C6orf89: variants seen among roughly 807,000 people sequenced by gnomAD.
C6orf89 encodes chromosome 6 open reading frame 89, also known as bombesin receptor-activated protein C6orf89.
A neutral mutation model predicts 40.7 loss-of-function variants in C6orf89; 29 were observed. That is an observed-to-expected ratio of 0.71 (90% CI 0.53 to 0.97). C6orf89 has a LOEUF of 0.97. Ranked by LOEUF, C6orf89 falls within the 50% of genes least tolerant of loss-of-function variation. The pLI is 0.00. For missense variants in C6orf89, 392 were observed against 429.1 expected, an observed-to-expected ratio of 0.91 and a Z score of 0.76; for synonymous variants, 165 against 152.2, an observed-to-expected ratio of 1.08 and a Z score of -0.62.
At chr6:36,881,268 G>A (rs532110822), upstream of C6orf89, among the ~76,000 whole-genome samples, 3 of 152,292 alleles carry the variant, frequency 2.0e-5, no homozygotes, top group East Asian at 5.8e-4. Flanking sequence ...TTTTGTAAGA[G>A]ATTATAAGAA....
At chr6:36,886,997 C>T (rs1322437378) in intron 1 of C6orf89, among the ~76,000 whole-genome samples, 1 of 151,810 alleles carries the variant, frequency 6.6e-6, no homozygotes, top group African/African-American at 2.4e-5. Flanking sequence ...TTTTTCAAGA[C>T]CTGCTTTGAA....
In C6orf89 at chr6:36,916,535, G is replaced by T; in HGVS notation, c.786G>T (p.Lys262Asn). Residue 262 changes from lysine to asparagine, a missense_variant, in exon 7 of 9, where the codon AAG (lysine) becomes AAT (asparagine). By Grantham distance (94) the Lys-to-Asn change is moderately conservative (BLOSUM62 0). Coordinates refer to ENST00000480824, the MANE Select transcript of C6orf89 (RefSeq NM_001286635.2). ...LPFPKDASLN[K>N]CSFLHPEPVV... Reference sequence around the variant, plus strand: ...TTCCAAAAGATGCCTCTTTAAACAAGTGCTCCTTTCTTCACCCAGAACCTG... The same window carrying T: ...TTCCAAAAGATGCCTCTTTAAACAATTGCTCCTTTCTTCACCCAGAACCTG... 1 of 1,614,182 alleles carries T rather than the reference G, an allele frequency of 6.2e-7. No homozygotes were observed. The highest frequency in any genetic ancestry group is 8.5e-7 in the Non-Finnish European group (1 of 1,180,034).
intron 4 of C6orf89, among the ~76,000 whole-genome samples, chr6:36,904,555 TAAA>T (rs1761854281): frequency 6.6e-6 from 1 of 152,126 alleles, no homozygotes; most frequent in African/African-American, 2.4e-5. Context: ...GAAGAAAAGT[TAAA>T]AACACGTAAT....
Position 36,916,363 on chromosome 6 carries a change from TC to T in C6orf89, c.696-79del, listed in dbSNP as rs927587946. 4 of 1,566,034 alleles carry T rather than the reference TC, an allele frequency of 2.6e-6. No individual in the cohort carries two copies. In the African/African-American group the frequency reaches 5.5e-5, roughly 21 times the overall value. On this transcript the variant is annotated intron_variant, in intron 6 of 8. Transcript: ENST00000480824. ...CCTCTTTACCCACCGCCCACAGTTT[TC>T]CCACCCTTACTTGGCTCTCTCTTAG...
At chr6:36,901,371 G>A (rs1349638390) in intron 3 of C6orf89, among the ~76,000 whole-genome samples, 1 of 110,624 alleles carries the variant, frequency 9.0e-6, no homozygotes, top group Non-Finnish European at 1.7e-5. Flanking sequence ...GTCTCACTCT[G>A]TTGCCCAGGC....
chr6:36,877,296 G>C (rs1353076628), intron 1 of C6orf89, among the ~76,000 whole-genome samples: 1 of 152,148 alleles, frequency 6.6e-6, no homozygotes, highest in Non-Finnish European at 1.5e-5. Context: ...GTATAATTTA[G>C]TAGTTAACAC....
chr6:36,884,966 A>G (rs1314840803), upstream of C6orf89, among the ~76,000 whole-genome samples: 1 of 152,226 alleles, frequency 6.6e-6, no homozygotes, highest in Non-Finnish European at 1.5e-5. This position sits in a 1 kb window ranked among gnomAD's most constrained non-coding sequence, Gnocchi z 4.0. Context: ...AGTGAGTTTC[A>G]AAACCATACA....
At chr6:36,901,345 TTTTTTTTG>T (rs1561865640) in intron 3 of C6orf89, among the ~76,000 whole-genome samples, 1 of 114,700 alleles carries the variant, frequency 8.7e-6, no homozygotes, top group African/African-American at 3.3e-5. Context: ...TTTTTTTTTT[TTTTTTTTG>T]AGATGCAGTC....
intron 4 of C6orf89, among the ~76,000 whole-genome samples, chr6:36,913,117 A>C (rs36039991): frequency 6.6e-6 from 1 of 152,248 alleles, no homozygotes; most frequent in African/African-American, 2.4e-5. Context: ...AACAGAAAGT[A>C]AACAAGAAAT....
chr6:36,912,025 C>A (rs1325196443), intron 4 of C6orf89, among the ~76,000 whole-genome samples: 1 of 148,736 alleles, frequency 6.7e-6, no homozygotes, highest in Admixed American at 6.8e-5. Context: ...GCACCCTAAT[C>A]ACAATCCAGA....
rs868065522 is a variant in C6orf89, at chr6:36,901,676, A to T, written c.190-545A>T. The stretch of plus-strand genomic sequence containing the variant: ...TTATTATTTTTATTTATTTATTTTT[A>T]TTTTTTTTTTGAGACGGAGTCTCTC... On this transcript the variant is annotated intron_variant, in intron 3 of 8. Coordinates refer to ENST00000480824, the MANE Select transcript of C6orf89 (RefSeq NM_001286635.2). Among the ~76,000 whole-genome samples, 558 of 128,712 alleles carry T rather than the reference A, an allele frequency of 4.3e-3. 4 individuals are homozygous for T. The highest frequency in any genetic ancestry group is 0.014 in the African/African-American group (482 of 34,538). 84.4% of individuals were successfully genotyped at this position (128,712 alleles called of 152,430 possible). A position where few individuals can be genotyped will look rare whatever the true frequency, so the allele number is the denominator to read the frequency against.
At chr6:36,874,485 G>A (rs901517132) in intron 1 of C6orf89, among the ~76,000 whole-genome samples, 2 of 152,240 alleles carry the variant, frequency 1.3e-5, no homozygotes, top group African/African-American at 2.4e-5. Flanking sequence ...CGGACTGGGG[G>A]AAGGAGGACA....
Position 36,923,459 on chromosome 6 carries a change from A to G in C6orf89, c.*18A>G. On this transcript the variant is annotated 3_prime_UTR_variant, in exon 9 of 9. Transcript: ENST00000480824. ...AACTGTAGGAAATAGAACTGTGCAC[A>G]GGAACAGCTTCCAGAGCCGAAAACC... 6.3e-7 allele frequency: 1 copy of G among 1,593,654 alleles called. No homozygotes were observed. Among genetic ancestry groups the G allele is most frequent in the Non-Finnish European group, 8.6e-7 (1 of 1,161,298 alleles).
At chr6:36,880,611 A>G (rs1317736745) in intron 2 of C6orf89, among the ~76,000 whole-genome samples, 1 of 152,184 alleles carries the variant, frequency 6.6e-6, no homozygotes, top group Non-Finnish European at 1.5e-5. Flanking sequence ...CATTTTGTCT[A>G]AATTATGCAG....
intron 3 of C6orf89, among the ~76,000 whole-genome samples, chr6:36,901,930 C>G (rs1583172423): frequency 6.6e-6 from 1 of 152,312 alleles, no homozygotes; most frequent in East Asian, 1.9e-4. Context: ...CTCGGCCTCC[C>G]AAAGTGCTGG....
chr6:36,906,582 A>G (rs1761934672), intron 4 of C6orf89, among the ~76,000 whole-genome samples: 1 of 152,090 alleles, frequency 6.6e-6, no homozygotes, highest in African/African-American at 2.4e-5. Context: ...ATGAAAATAG[A>G]CTTTCTCTGT....
intron 1 of C6orf89, among the ~76,000 whole-genome samples, chr6:36,872,663 A>C (rs1229044184): frequency 9.9e-5 from 15 of 152,134 alleles, no homozygotes; most frequent in African/African-American, 3.4e-4. Flanking sequence ...GTTACAGTGC[A>C]GTGGCACAAT....
rs1212797778 is a variant in C6orf89 at position 36,923,283 on chromosome 6, CGTGCCCACAGGT to C, written c.950-55_950-44del. On this transcript the variant is annotated intron_variant, in intron 8 of 8. Transcript: ENST00000480824. ...CCAGCTCTGGCAGACCTGCCTTGCT[CGTGCCCACAGGT>C]GTGCCCACCCTCTGACATTTACATG... 5.6e-6 allele frequency: 7 copies of C among 1,255,064 alleles called. No individual in the cohort carries two copies. In the African/African-American group the frequency reaches 7.4e-5, roughly 13 times the overall value. The allele number at this position is 1,255,064 out of a possible 1,614,324, so 77.7% of individuals were successfully genotyped here.
chr6:36,927,150 C>T lies in C6orf89; in HGVS notation c.*3709C>T, dbSNP rs1006586403. 1 of 152,244 alleles carries T rather than the reference C, an allele frequency of 6.6e-6. No individual in the cohort carries two copies. Among genetic ancestry groups the T allele is most frequent in the African/African-American group, 2.4e-5 (1 of 41,462 alleles). The allele number at this position is 152,244 out of a possible 1,614,324, so 9.4% of individuals were successfully genotyped here. On this transcript the variant is annotated 3_prime_UTR_variant, in exon 9 of 9. Transcript: ENST00000480824. ...CCAGATGTGTGACAGAGGAGGGACT[C>T]TGCTCAATTCCAGTTGTGGGTCCCC...
Sources: gnomAD v4.1 joint callset for allele counts (sites outside exome capture counted in the v4.1 genomes callset) on GRCh38, gnomAD v4.1.1 for gene constraint, Gnocchi (gnomAD v3.1) non-coding constraint, MANE v1.5 for transcripts, NCBI Gene and HGNC (gene_info 2026-07-23, HGNC 2026-07-21) for gene names.